DCC: variants seen among roughly 807,000 people sequenced by gnomAD.
DCC encodes DCC netrin 1 receptor.
DCC carries 58 observed loss-of-function variants against 172.5 expected under a neutral mutation model. The ratio of observed to expected loss-of-function variants is 0.34; its 90% confidence interval spans 0.27 to 0.42. The LOEUF (loss-of-function observed/expected upper bound fraction) is 0.42, where lower values mean the gene tolerates loss of function less well. Ranked by LOEUF, DCC falls within the 10% of genes least tolerant of loss-of-function variation. The pLI, the probability that DCC is intolerant of heterozygous loss-of-function variation, is 1.00. For synonymous variants in DCC, 709 were observed against 644.5 expected, an observed-to-expected ratio of 1.10 and a Z score of -1.52; for missense variants, 1,740 against 1,791.0, an observed-to-expected ratio of 0.97 and a Z score of 0.51.
At chr18:53,512,291 C>T (rs1256483836) in intron 27 of DCC, among the ~76,000 whole-genome samples, 3 of 148,918 alleles carry the variant, frequency 2.0e-5, no homozygotes, top group Admixed American at 6.7e-5. Context: ...AAAGGACATC[C>T]ACACCAAAAA....
chr18:52,680,791 G>GA (rs1244396466), intron 1 of DCC, among the ~76,000 whole-genome samples: 1 of 151,958 alleles, frequency 6.6e-6, no homozygotes, highest in African/African-American at 2.4e-5. Context: ...GTTGTTAAAG[G>GA]AAAAAATCTC....
intron 1 of DCC, among the ~76,000 whole-genome samples, chr18:52,466,546 G>A (rs138502147): frequency 2.0e-5 from 3 of 152,034 alleles, no homozygotes; most frequent in African/African-American, 7.2e-5. Context: ...GTCTAATTCT[G>A]CCTCTTCCAC....
intron 1 of DCC, among the ~76,000 whole-genome samples, chr18:52,650,539 T>C (rs575078154): frequency 6.6e-6 from 1 of 152,224 alleles, no homozygotes; most frequent in South Asian, 2.1e-4. Flanking sequence ...TTTTTGTCTG[T>C]TTGTTTGTTT....
intron 9 of DCC, among the ~76,000 whole-genome samples, chr18:53,191,043 G>T (rs2055359969): frequency 6.6e-6 from 1 of 152,112 alleles, no homozygotes; most frequent in South Asian, 2.1e-4. Flanking sequence ...ACCATGCTAG[G>T]CACATAATTT....
chr18:53,444,680 G>A (rs946653340), intron 22 of DCC, among the ~76,000 whole-genome samples: 3 of 152,148 alleles, frequency 2.0e-5, no homozygotes, highest in South Asian at 4.1e-4. Context: ...TTAAATTAAG[G>A]TGTGCCATTT....
chr18:52,358,684 A>G (rs1438744530), intron 1 of DCC, among the ~76,000 whole-genome samples: 4 of 152,164 alleles, frequency 2.6e-5, no homozygotes, highest in Non-Finnish European at 4.4e-5. Context: ...TGTCTTTGGC[A>G]TCCTGCAATG....
intron 15 of DCC, among the ~76,000 whole-genome samples, chr18:53,344,177 T>C (rs930279994): frequency 2.6e-5 from 4 of 151,948 alleles, no homozygotes; most frequent in Non-Finnish European, 5.9e-5. Context: ...AGTTCTGGTC[T>C]TCTCTTCTAT....
chr18:52,527,760 A>C (rs1426302004), intron 1 of DCC, among the ~76,000 whole-genome samples: 1 of 152,164 alleles, frequency 6.6e-6, no homozygotes, highest in Non-Finnish European at 1.5e-5. Flanking sequence ...ATTTTGTTCT[A>C]TTTGTGGCTG....
chr18:52,521,172 T>C lies in DCC; in HGVS notation c.91+180294T>C, dbSNP rs2031801612. On this transcript the variant is annotated intron_variant, in intron 1 of 28. Transcript: ENST00000442544. ...ATTTGAAAAAAAATGCATACTTGAA[T>C]TGTGAATTTTTTTTTGAGATTTAAC... Among the ~76,000 whole-genome samples, 2 of 136,866 alleles carry C rather than the reference T, an allele frequency of 1.5e-5. 1 individual carries two copies. Among genetic ancestry groups the C allele is most frequent in the South Asian group, 4.4e-4 (2 of 4,594 alleles). The allele number at this position is 136,866 out of a possible 152,430, so 89.8% of individuals were successfully genotyped here.
At position 53,006,598 on chromosome 18, in the gene DCC, A is replaced by C. The variant is rs115435411; in HGVS notation, c.986-56707A>C. On this transcript the variant is annotated intron_variant, in intron 5 of 28. Transcript: ENST00000442544. The stretch of plus-strand genomic sequence containing the variant: ...GAATCCCACGTGAATGCTAAACTGT[A>C]GATAGATAAGGTTGATAACAATCTG... Among the ~76,000 whole-genome samples the C allele has an allele frequency of 6.9e-3, 1,048 of 152,344 alleles. 15 individuals are homozygous for C. The highest frequency in any genetic ancestry group is 0.024 in the African/African-American group (982 of 41,586).
At chr18:53,171,100 G>A (rs1039515729) in intron 8 of DCC, among the ~76,000 whole-genome samples, 1 of 152,086 alleles carries the variant, frequency 6.6e-6, no homozygotes, top group East Asian at 1.9e-4. Context: ...GGCCAGGCTG[G>A]TCTCGAACTC....
chr18:53,036,264 G>A (rs981718544), intron 5 of DCC, among the ~76,000 whole-genome samples: 1 of 152,000 alleles, frequency 6.6e-6, no homozygotes, highest in Non-Finnish European at 1.5e-5. Context: ...TATAATGCTT[G>A]TTTTGAAAAC....
intron 1 of DCC, among the ~76,000 whole-genome samples, chr18:52,467,013 G>A (rs1442146207): frequency 6.6e-6 from 1 of 151,074 alleles, no homozygotes; most frequent in East Asian, 1.9e-4. Context: ...CACTCTTTGT[G>A]TGGTTCTTCT....
At chr18:53,449,479 C>T (rs750863593) in intron 22 of DCC, among the ~76,000 whole-genome samples, 2 of 152,144 alleles carry the variant, frequency 1.3e-5, no homozygotes, top group Non-Finnish European at 2.9e-5. Context: ...GGCTTTTGAA[C>T]CCGGTGGCTG....
At chr18:52,489,489 A>G (rs1424795108) in intron 1 of DCC, among the ~76,000 whole-genome samples, 1 of 152,136 alleles carries the variant, frequency 6.6e-6, no homozygotes, top group Non-Finnish European at 1.5e-5. Context: ...TTATATGCTG[A>G]GATCTCAAAA....
intron 2 of DCC, among the ~76,000 whole-genome samples, chr18:52,753,164 G>A (rs949120906): frequency 1.2e-4 from 19 of 152,008 alleles, no homozygotes; most frequent in Admixed American, 1.0e-3. Context: ...TGTATCATAT[G>A]GTAATTCTAA....
rs191858982 is a variant in DCC at position 52,849,190 on chromosome 18, A to G, written c.413-56854A>G. Among the ~76,000 whole-genome samples the G allele has an allele frequency of 3.9e-5, 6 of 152,260 alleles. No homozygotes were observed. In the East Asian group the frequency reaches 1.2e-3, roughly 29 times the overall value. ...GGAAAAGGCTTTCTCAGGTTTTTCTAATTCCCAGAATTAGTACTGTCCAGC... is the reference window on the plus strand; with the variant it reads ...GGAAAAGGCTTTCTCAGGTTTTTCTGATTCCCAGAATTAGTACTGTCCAGC... On this transcript the variant is annotated intron_variant, in intron 2 of 28. Coordinates refer to ENST00000442544, the MANE Select transcript of DCC (RefSeq NM_005215.4).
In DCC at chr18:53,530,925, G is replaced by C; in HGVS notation, c.*272G>C. On this transcript the variant is annotated 3_prime_UTR_variant, in exon 29 of 29. Coordinates refer to ENST00000442544, the MANE Select transcript of DCC (RefSeq NM_005215.4). ...TGTCAAAGTTTAAGCTGCTAGAATA[G>C]TCATGGGCCTTTGTCACTGCAGTGA... The C allele has an allele frequency of 1.8e-6, 1 of 556,506 alleles. No individual in the cohort carries two copies. Among genetic ancestry groups the C allele is most frequent in the East Asian group, 3.2e-5 (1 of 31,216 alleles). 34.5% of individuals were successfully genotyped at this position (556,506 alleles called of 1,614,324 possible).
intron 7 of DCC, among the ~76,000 whole-genome samples, chr18:53,087,061 T>TA: frequency 6.6e-6 from 1 of 151,930 alleles, no homozygotes; most frequent in Non-Finnish European, 1.5e-5. Context: ...GCAATAAACA[T>TA]ACGTGTGCAT....
Sources: gnomAD v4.1 joint callset for allele counts (sites outside exome capture counted in the v4.1 genomes callset) on GRCh38, gnomAD v4.1.1 for gene constraint, MANE v1.5 for transcripts, NCBI Gene and HGNC (gene_info 2026-07-23, HGNC 2026-07-21) for gene names.